The following ITGB3BP variants were observed in gnomAD, a reference collection of about 807,000 sequenced individuals.
ITGB3BP encodes the protein integrin subunit beta 3 binding protein, also known as centromere protein R.
ITGB3BP carries 27 observed loss-of-function variants against 29.1 expected under a neutral mutation model. The observed-to-expected ratio is 0.93, with a 90% CI of 0.68 to 1.28. ITGB3BP has a LOEUF of 1.28. ITGB3BP is among the 50% of genes most tolerant of loss of function. The pLI is 0.00. For missense variants in ITGB3BP, 192 were observed against 200.2 expected (o/e 0.96, Z 0.25); for synonymous variants, 61 against 61.4 (o/e 0.99, Z 0.03).
intron 2 of ITGB3BP, 81 bp from the exon 3 acceptor site, chr1:63,490,299 G>A: frequency 9.9e-7 from 1 of 1,006,630 alleles, no homozygotes; most frequent in South Asian, 1.7e-5. Context: ...TAAAAAATCA[G>A]CAAAATTCAA....
rs1380067600 is a variant in ITGB3BP at position 63,454,263 on chromosome 1, G to C, written c.427+117C>G. The C allele has an allele frequency of 2.0e-6, 1 of 506,254 alleles. No homozygotes were observed. Among genetic ancestry groups the C allele is most frequent in the African/African-American group, 2.0e-5 (1 of 50,318 alleles). 31.4% of individuals were successfully genotyped at this position (506,254 alleles called of 1,614,324 possible). On this transcript the variant is annotated intron_variant, in intron 6 of 8. Coordinates refer to ENST00000271002, the MANE Select transcript of ITGB3BP (RefSeq NM_014288.5). The surrounding 1 kb of genome is among the most constrained non-coding windows in gnomAD (Gnocchi z 4.1). ...GGCTTCTTATTTAAAGAAGGTAATA[G>C]TATTTTTATCACATGTCCAGTAATG... is the stretch of plus-strand genomic sequence containing the variant.
intron 1 of ITGB3BP, 28 bp from the exon 2 acceptor site, chr1:63,508,598 T>C (rs1481735262): frequency 3.8e-6 from 4 of 1,060,956 alleles, no homozygotes; most frequent in Non-Finnish European, 5.5e-6. Flanking sequence ...AAAGAAATTT[T>C]AGATTTGACA....
At chr1:63,486,899 C>T (rs1297026903) in intron 3 of ITGB3BP, among the ~76,000 whole-genome samples, 1 of 152,038 alleles carries the variant, frequency 6.6e-6, no homozygotes. Flanking sequence ...ATACTTGCAA[C>T]ACTTGAGCTC....
chr1:63,483,498 CTT>C (rs1238354772), intron 3 of ITGB3BP, among the ~76,000 whole-genome samples: 1 of 150,912 alleles, frequency 6.6e-6, no homozygotes, highest in Non-Finnish European at 1.5e-5. Flanking sequence ...TTTCATTAGA[CTT>C]TTCTGAGAAC....
At position 63,454,784 on chromosome 1, in the gene ITGB3BP, T is replaced by C. The variant is rs2100506034; in HGVS notation, c.333+106A>G. On this transcript the variant is annotated intron_variant, in intron 5 of 8. Coordinates refer to ENST00000271002, the MANE Select transcript of ITGB3BP (RefSeq NM_014288.5). This position sits in a 1 kb window ranked among gnomAD's most constrained non-coding sequence, Gnocchi z 4.1. ...AAAAAAATTCCCATGAAAAGTAAAT[T>C]AAACATACTCTATGCAAACTCTTTC... The C allele has an allele frequency of 2.0e-6, 1 of 509,082 alleles. No individual in the cohort carries two copies. Among genetic ancestry groups the C allele is most frequent in the South Asian group, 4.7e-5 (1 of 21,228 alleles). The allele number at this position is 509,082 out of a possible 1,614,324, so 31.5% of individuals were successfully genotyped here. A position where few individuals can be genotyped will look rare whatever the true frequency, so the allele number is the denominator to read the frequency against.
Position 63,523,205 on chromosome 1 carries a change from C to A in ITGB3BP, c.-72G>T, listed in dbSNP as rs1646504075. 6.2e-7 allele frequency: 1 copy of A among 1,605,782 alleles called. No individual in the cohort carries two copies. Among genetic ancestry groups the A allele is most frequent in the Non-Finnish European group, 8.5e-7 (1 of 1,174,238 alleles). On this transcript the variant is annotated 5_prime_UTR_variant, in exon 1 of 9. Transcript: ENST00000271002. ...GCAACTTCCGAAAACAGAAAATCCG[C>A]CAAAGGAAACGCCAAGGCATGAAAA...
intron 4 of ITGB3BP, among the ~76,000 whole-genome samples, chr1:63,467,792 T>C (rs897411663): frequency 6.6e-6 from 1 of 152,152 alleles, no homozygotes; most frequent in Non-Finnish European, 1.5e-5. Flanking sequence ...CTATAATGTA[T>C]AGGACAGCCT....
At chr1:63,509,996 C>A (rs909427746) in intron 1 of ITGB3BP, 6 of 438,224 alleles carry the variant, frequency 1.4e-5, no homozygotes, top group Non-Finnish European at 2.5e-5. Context: ...AGTTCGAGAC[C>A]AGCCTAACAT....
chr1:63,491,957 C>T (rs1645657977), intron 2 of ITGB3BP, among the ~76,000 whole-genome samples: 1 of 151,878 alleles, frequency 6.6e-6, no homozygotes, highest in Non-Finnish European at 1.5e-5. Flanking sequence ...TTATCCAATC[C>T]CTACTCTACT....
chr1:63,442,230 C>T (rs1644739736), intron 8 of ITGB3BP, among the ~76,000 whole-genome samples: 1 of 152,148 alleles, frequency 6.6e-6, no homozygotes, highest in South Asian at 2.1e-4. Context: ...AAACTTCTGT[C>T]AACTCTTCCT....
chr1:63,464,219 T>G (rs1214607432), intron 4 of ITGB3BP, among the ~76,000 whole-genome samples: 1 of 152,192 alleles, frequency 6.6e-6, no homozygotes, highest in Non-Finnish European at 1.5e-5. Flanking sequence ...AATGAATACT[T>G]CTTCAAATGA....
intron 7 of ITGB3BP, among the ~76,000 whole-genome samples, chr1:63,452,345 A>T (rs1277316245): frequency 6.6e-6 from 1 of 152,208 alleles, no homozygotes; most frequent in South Asian, 2.1e-4. Flanking sequence ...TTTTTAAGGA[A>T]ATCACACTAT....
intron 2 of ITGB3BP, among the ~76,000 whole-genome samples, chr1:63,500,754 C>A (rs1645907507): frequency 6.6e-6 from 1 of 151,858 alleles, no homozygotes; most frequent in Non-Finnish European, 1.5e-5. Context: ...AATTCCAATG[C>A]CTTTTTTTTT....
intron 3 of ITGB3BP, among the ~76,000 whole-genome samples, chr1:63,489,207 T>C (rs951157028): frequency 2.0e-5 from 3 of 152,054 alleles, no homozygotes; most frequent in Non-Finnish European, 2.9e-5. Flanking sequence ...GATCTCATTA[T>C]GTGTTACATT....
intron 2 of ITGB3BP, among the ~76,000 whole-genome samples, chr1:63,496,615 A>T (rs371169498): frequency 6.6e-6 from 1 of 152,360 alleles, no homozygotes; most frequent in Admixed American, 6.5e-5. Flanking sequence ...TCTGCAAAGC[A>T]GGAATACTTT....
intron 1 of ITGB3BP, among the ~76,000 whole-genome samples, chr1:63,508,877 T>TAA (rs3063251): frequency 0.19 from 29,135 of 152,092 alleles, 3,014 homozygotes; most frequent in African/African-American, 0.27. Context: ...AAAACTCTTA[T>TAA]AAAAGTTAGT....
At position 63,502,346 on chromosome 1, in the gene ITGB3BP, G is replaced by T. The variant is rs12084889; in HGVS notation, c.48+6182C>A. 9.2e-3 allele frequency among the ~76,000 whole-genome samples: 1,406 copies of T among 152,112 alleles called. 16 individuals carry two copies. Among genetic ancestry groups the T allele is most frequent in the African/African-American group, 0.032 (1,346 of 41,456 alleles). ...CCGTATATTATAGGAAGAACACAGG[G>T]TATGGTCCATATCTCTGCTTCCCTC... is the stretch of plus-strand genomic sequence containing the variant. On this transcript the variant is annotated intron_variant, in intron 2 of 8. Coordinates refer to ENST00000271002, the MANE Select transcript of ITGB3BP (RefSeq NM_014288.5).
At chr1:63,468,414 T>C (rs1007306478) in intron 4 of ITGB3BP, among the ~76,000 whole-genome samples, 6 of 152,168 alleles carry the variant, frequency 3.9e-5, no homozygotes, top group African/African-American at 1.4e-4. Context: ...ATAGTGTCAG[T>C]TACTCTAGTA....
chr1:63,515,508 C>T (rs6697476), intron 1 of ITGB3BP, among the ~76,000 whole-genome samples: 144,111 of 152,136 alleles, frequency 0.95, 68,756 homozygotes, highest in East Asian at 1. Flanking sequence ...TTCTAAAAAA[C>T]GTTTGCTTGA....
Sources: gnomAD v4.1 joint callset for allele counts (sites outside exome capture counted in the v4.1 genomes callset) on GRCh38, gnomAD v4.1.1 for gene constraint, Gnocchi (gnomAD v3.1) non-coding constraint, MANE v1.5 for transcripts, NCBI Gene and HGNC (gene_info 2026-07-23, HGNC 2026-07-21) for gene names.